The following NRXN1 variants were observed in gnomAD, a reference collection of about 807,000 sequenced individuals.
The protein encoded by NRXN1 is neurexin 1, also known as neurexin-1.
In NRXN1, 39 loss-of-function variants were observed where a neutral mutation model predicts 150.9. The observed-to-expected ratio is 0.26, with a 90% confidence interval of 0.20 to 0.34. NRXN1 has a LOEUF of 0.34. Ranked by LOEUF, NRXN1 falls within the 10% of genes least tolerant of loss-of-function variation. The probability of loss-of-function intolerance (pLI) is 1.00; values close to 1 mark genes in which losing one functional copy is unlikely to be tolerated. For missense variants in NRXN1, 1,815 were observed against 1,949.9 expected, an observed-to-expected ratio of 0.93 and a Z score of 1.30; for synonymous variants, 924 against 757.0, an observed-to-expected ratio of 1.22 and a Z score of -3.62.
chr2:50,526,281 A>AT (rs2092949608), intron 12 of NRXN1, among the ~76,000 whole-genome samples: 4 of 152,218 alleles, frequency 2.6e-5, no homozygotes, highest in Admixed American at 1.3e-4. Context: ...TCTTGTGATA[A>AT]TTTTCTTAAA....
chr2:51,015,657 GA>G (rs952070520), intron 2 of NRXN1, among the ~76,000 whole-genome samples: 26 of 149,552 alleles, frequency 1.7e-4, no homozygotes, highest in East Asian at 5.9e-4. Context: ...AACTTCAAGT[GA>G]AAAAAAAATA....
chr2:50,300,697 G>T (rs996667827), intron 17 of NRXN1, among the ~76,000 whole-genome samples: 33 of 152,056 alleles, frequency 2.2e-4, no homozygotes, highest in African/African-American at 7.5e-4. Context: ...TGGCCATCTT[G>T]TTTTTGTTTT....
In NRXN1 at chr2:50,171,383, CTATT is replaced by C. The variant is rs2060023130; in HGVS notation, c.3546+65402_3546+65405del. Among the ~76,000 whole-genome samples, 6 of 151,984 alleles carry C rather than the reference CTATT, an allele frequency of 3.9e-5. 1 individual carries two copies. The South Asian group carries it at 1.2e-3, about 32-fold the overall frequency. On this transcript the variant is annotated intron_variant, in intron 18 of 22. Coordinates refer to ENST00000401669, the MANE Select transcript of NRXN1 (RefSeq NM_001330078.2). ...TATTCTATTTCATATCAGTTCTAGA[CTATT>C]TAGGAAATGAGTAGGCCTCTCAATT...
At chr2:50,502,103 T>G (rs2091976993) in intron 13 of NRXN1, among the ~76,000 whole-genome samples, 1 of 152,166 alleles carries the variant, frequency 6.6e-6, no homozygotes, top group Non-Finnish European at 1.5e-5. Context: ...TTGCCACATT[T>G]GGAAGCCTTT....
intron 5 of NRXN1, among the ~76,000 whole-genome samples, chr2:50,790,334 T>C (rs573658018): frequency 2.0e-5 from 3 of 152,220 alleles, no homozygotes; most frequent in Non-Finnish European, 2.9e-5. Flanking sequence ...TCATTAGAGA[T>C]AGATGACCAT....
chr2:50,100,259 T>A (rs1700814173), intron 18 of NRXN1, among the ~76,000 whole-genome samples: 1 of 152,008 alleles, frequency 6.6e-6, no homozygotes, highest in Non-Finnish European at 1.5e-5. Flanking sequence ...ATGGAAGCGC[T>A]TGCCATTATT....
chr2:50,465,074 G>C (rs184806114), intron 17 of NRXN1, among the ~76,000 whole-genome samples: 21 of 151,702 alleles, frequency 1.4e-4, no homozygotes, highest in African/African-American at 4.1e-4. Context: ...TAAAATTACA[G>C]CCCTCGAGAC....
rs535979086 is a variant in NRXN1 at position 50,100,312 on chromosome 2, C to G, written c.3547-8818G>C. On this transcript the variant is annotated intron_variant, in intron 18 of 22. Transcript: ENST00000401669. ...TGTCAGGTATGTAGGATTTAGTGGT[C>G]GTAAAGTGAGAAAAAGGATGGACAG... is the stretch of plus-strand genomic sequence containing the variant. Among the ~76,000 whole-genome samples the G allele has an allele frequency of 1.1e-3, 164 of 151,960 alleles. 1 individual carries two copies. Among genetic ancestry groups the G allele is most frequent in the Non-Finnish European group, 2.0e-3 (133 of 67,914 alleles).
chr2:50,395,496 TA>T (rs1417674803), intron 17 of NRXN1, among the ~76,000 whole-genome samples: 1 of 152,020 alleles, frequency 6.6e-6, no homozygotes, highest in Non-Finnish European at 1.5e-5. Flanking sequence ...ATATCAGCTC[TA>T]GGAAAAATCA....
At chr2:50,001,656 T>TA (rs1293618971) in intron 21 of NRXN1, among the ~76,000 whole-genome samples, 1 of 152,078 alleles carries the variant, frequency 6.6e-6, no homozygotes, top group Admixed American at 6.5e-5. Flanking sequence ...TTAAATAAGG[T>TA]AAAAACGAAA....
chr2:50,673,866 A>G (rs1689183593), intron 5 of NRXN1, among the ~76,000 whole-genome samples: 1 of 152,080 alleles, frequency 6.6e-6, no homozygotes, highest in South Asian at 2.1e-4. Flanking sequence ...CAGCCATAAA[A>G]AAGGATGACT....
Position 50,980,469 on chromosome 2 carries a change from C to G in NRXN1, c.772+47033G>C, listed in dbSNP as rs1696610778. 2.0e-5 allele frequency among the ~76,000 whole-genome samples: 3 copies of G among 152,028 alleles called. No individual in the cohort carries two copies. The South Asian group carries it at 6.2e-4, about 31-fold the overall frequency. On this transcript the variant is annotated intron_variant, in intron 2 of 22. Coordinates refer to ENST00000401669, the MANE Select transcript of NRXN1 (RefSeq NM_001330078.2). Reference sequence around the variant, plus strand: ...AATTAGAAAATAAAATAACCACCAACTAATATAATCTTTAGAACATTTTTC... The same window carrying G: ...AATTAGAAAATAAAATAACCACCAAGTAATATAATCTTTAGAACATTTTTC...
At chr2:50,775,830 T>G (rs989114525) in intron 5 of NRXN1, among the ~76,000 whole-genome samples, 9 of 152,112 alleles carry the variant, frequency 5.9e-5, no homozygotes, top group Non-Finnish European at 1.0e-4. Flanking sequence ...AAGTCAACTT[T>G]TTTATGTAAA....
chr2:50,469,917 G>A (rs77664225), intron 16 of NRXN1, among the ~76,000 whole-genome samples: 4,578 of 151,092 alleles, frequency 0.03, 215 homozygotes, highest in African/African-American at 0.11. Context: ...TAGATTATGT[G>A]GGTAAACAAC....
chr2:50,862,994 A>C (rs188811243), intron 5 of NRXN1, among the ~76,000 whole-genome samples: 2 of 152,176 alleles, frequency 1.3e-5, no homozygotes, highest in East Asian at 3.9e-4. Context: ...GATATAGTTG[A>C]GCATTTTTAT....
rs1553935222 is a variant in NRXN1 at position 50,658,411 on chromosome 2, G to GGTGTGTGTATGTGTGTGTGT, written c.833-34797_833-34796insACACACACACATACACACAC. Among the ~76,000 whole-genome samples the GGTGTGTGTATGTGTGTGTGT allele has an allele frequency of 2.2e-4, 32 of 144,780 alleles. No individual in the cohort carries two copies. In the East Asian group the frequency reaches 2.5e-3, roughly 11 times the overall value. 95.0% of individuals were successfully genotyped at this position (144,780 alleles called of 152,430 possible). On this transcript the variant is annotated intron_variant, in intron 5 of 22. Coordinates refer to ENST00000401669, the MANE Select transcript of NRXN1 (RefSeq NM_001330078.2). ...TTAATTTACAGGAAATGCATTCACT[G>GGTGTGTGTATGTGTGTGTGT]GTGTGTGTGTGTGTGTGTGTGTGTG...
chr2:49,932,009 A>G (rs1463061576), intron 22 of NRXN1, among the ~76,000 whole-genome samples: 1 of 152,212 alleles, frequency 6.6e-6, no homozygotes, highest in Non-Finnish European at 1.5e-5. Context: ...CCTGGTTTAT[A>G]GTAAGACAAA....
chr2:50,902,592 T>TA (rs2103971938), intron 5 of NRXN1, among the ~76,000 whole-genome samples: 1 of 152,310 alleles, frequency 6.6e-6, no homozygotes, highest in South Asian at 2.1e-4. Context: ...CATCTCCTGA[T>TA]CTTCTAAGAT....
chr2:50,039,753 T>G (rs1690633983), intron 21 of NRXN1, among the ~76,000 whole-genome samples: 1 of 152,036 alleles, frequency 6.6e-6, no homozygotes, highest in Non-Finnish European at 1.5e-5. Flanking sequence ...GATGATATAA[T>G]AAAGGCAAGA....
Sources: gnomAD v4.1 joint callset for allele counts (sites outside exome capture counted in the v4.1 genomes callset) on GRCh38, gnomAD v4.1.1 for gene constraint, MANE v1.5 for transcripts, NCBI Gene and HGNC (gene_info 2026-07-23, HGNC 2026-07-21) for gene names.